POLQ: variants seen among roughly 807,000 people sequenced by gnomAD.
POLQ encodes the protein epididymis secretory sperm binding protein.
A neutral mutation model predicts 259.2 loss-of-function variants in POLQ; 233 were observed. That is an observed-to-expected ratio of 0.90 (90% CI 0.81 to 1.00). The LOEUF is 1.00. POLQ is among the 50% of genes least tolerant of loss of function. POLQ has a pLI of 0.00. For synonymous variants in POLQ, 1,025 were observed against 1,048.8 expected, an observed-to-expected ratio of 0.98 and a Z score of 0.44; for missense variants, 2,871 against 3,051.6, an observed-to-expected ratio of 0.94 and a Z score of 1.39.
At chr3:121,447,676 T>G (rs1205349361) in intron 26 of POLQ, among the ~76,000 whole-genome samples, 1 of 152,216 alleles carries the variant, frequency 6.6e-6, no homozygotes, top group Non-Finnish European at 1.5e-5. Flanking sequence ...TTATTGCTCA[T>G]TAACATCCTT....
chr3:121,544,593 C>T (rs2048515203), intron 2 of POLQ, 134 bp downstream of exon 2: 1 of 578,026 alleles, frequency 1.7e-6, no homozygotes, highest in Non-Finnish European at 3.0e-6. Context: ...CCACTTTTCA[C>T]ACATATTGTA....
chr3:121,462,921 C>G (rs1415776857), intron 24 of POLQ, among the ~76,000 whole-genome samples: 1 of 152,204 alleles, frequency 6.6e-6, no homozygotes, highest in Non-Finnish European at 1.5e-5. Context: ...TTAGTGAAGA[C>G]TACAAAATCC....
In POLQ at chr3:121,489,463, T is replaced by C; in HGVS notation, c.3468A>G (p.Glu1156=). The part of the protein sequence containing the change: ...VTCQATSVVS[E]KGRGVAVEAE... ...CCTCAACAGCTACTCCTCTGCCCTT[T>C]TCACTAACCACACTAGTGGCCTGAC... Residue 1156 remains glutamate, a synonymous_variant, in exon 16 of 30, where the codon GAA becomes GAG. Coordinates refer to ENST00000264233, the MANE Select transcript of POLQ (RefSeq NM_199420.4). 6.2e-7 allele frequency: 1 copy of C among 1,614,104 alleles called. No individual in the cohort carries two copies. The highest frequency in any genetic ancestry group is 1.7e-5 in the Admixed American group (1 of 60,012).
At chr3:121,512,563 A>G (rs2048263309) in intron 9 of POLQ, among the ~76,000 whole-genome samples, 1 of 152,206 alleles carries the variant, frequency 6.6e-6, no homozygotes, top group Non-Finnish European at 1.5e-5. Flanking sequence ...CATTGTTAAA[A>G]TGTTATATAA....
rs1168686295 is a variant in POLQ, at chr3:121,467,633, A to G, written c.6853T>C (p.Tyr2285His). Residue 2285 changes from tyrosine (Y) to histidine (H), a missense_variant, in exon 24 of 30, where the codon TAT (tyrosine) becomes CAT (histidine). Transcript: ENST00000264233. ...KGLLPMGRGK[Y>H]KKGFSVNPRC... The stretch of plus-strand genomic sequence containing the variant: ...GGATTCACGCTGAAACCCTTCTTAT[A>G]TTTTCCTCTGTGGTGCAAACAACAT... The G allele has an allele frequency of 1.2e-6, 2 of 1,613,630 alleles. No homozygotes were observed. The highest frequency in any genetic ancestry group is 3.3e-5 in the Admixed American group (2 of 59,984).
intron 25 of POLQ, among the ~76,000 whole-genome samples, chr3:121,456,593 A>T (rs1282985334): frequency 6.6e-6 from 1 of 151,902 alleles, no homozygotes; most frequent in Non-Finnish European, 1.5e-5. Context: ...CCAATAACAG[A>T]CAAACAGAGA....
chr3:121,489,303 G>C lies in POLQ; in HGVS notation c.3628C>G (p.Gln1210Glu), dbSNP rs775530226. The C allele has an allele frequency of 1.2e-6, 2 of 1,613,546 alleles. No homozygotes were observed. The highest frequency in any genetic ancestry group is 4.5e-5 in the East Asian group (2 of 44,882). The change falls in exon 16 of 30, where the codon CAG (glutamine) becomes GAG (glutamate). Residue 1210 changes from glutamine to glutamate, a missense_variant. Transcript: ENST00000264233. ...ATTTGTCTCTCTATTATATTTTTCT[G>C]TTTGGTAATAGTGCTTGTCTGTTCA... ...SHEQTSTITKQKNIIERQMPC... is the reference protein window; with the variant it reads ...SHEQTSTITKEKNIIERQMPC...
At chr3:121,517,213 A>G (rs2048303859) in intron 9 of POLQ, among the ~76,000 whole-genome samples, 1 of 152,212 alleles carries the variant, frequency 6.6e-6, no homozygotes, top group Non-Finnish European at 1.5e-5. Flanking sequence ...GGACAGAGGT[A>G]GGCAAATAGG....
rs575244189 is a variant in POLQ, at chr3:121,435,991, T to C, written c.7543+131A>G. 7.1e-5 allele frequency: 41 copies of C among 577,272 alleles called. No individual in the cohort carries two copies. The South Asian group carries it at 1.2e-3, about 17-fold the overall frequency. The allele number at this position is 577,272 out of a possible 1,614,324, so 35.8% of individuals were successfully genotyped here. A position where few individuals can be genotyped will look rare whatever the true frequency, so the allele number is the denominator to read the frequency against. On this transcript the variant is annotated intron_variant, in intron 28 of 29. Coordinates refer to ENST00000264233, the MANE Select transcript of POLQ (RefSeq NM_199420.4). Reference sequence around the variant, plus strand: ...CTTTGAAATCCTTAATAATTTCTAATAGTATAAAGACATCATGAGACCAAA... The same window carrying C: ...CTTTGAAATCCTTAATAATTTCTAACAGTATAAAGACATCATGAGACCAAA...
rs1306546659 is a variant in POLQ, at chr3:121,489,496, AT to A, written c.3434del (p.Asn1145MetfsTer2). The A allele has an allele frequency of 1.2e-6, 2 of 1,613,852 alleles. No homozygotes were observed. Among genetic ancestry groups the A allele is most frequent in the Non-Finnish European group, 1.7e-6 (2 of 1,179,970 alleles). Reference sequence around the variant, plus strand: ...CCACACTAGTGGCCTGACAAGTCACATTTTTACTCTGAGATCCTGTGACAAT... The same window carrying A: ...CCACACTAGTGGCCTGACAAGTCACATTTTACTCTGAGATCCTGTGACAAT... ...EHIVTGSQSK[N>X]VTCQATSVVS... On this transcript the variant is annotated frameshift_variant, in exon 16 of 30. Transcript: ENST00000264233. LOFTEE classifies it high-confidence loss of function.
chr3:121,479,362 A>ATGTGTGGG (rs2047953051), intron 19 of POLQ, among the ~76,000 whole-genome samples: 1 of 142,654 alleles, frequency 7.0e-6, no homozygotes, highest in African/African-American at 2.6e-5. Context: ...AAAAAAAAAA[A>ATGTGTGGG]TGTGTGTGTG....
chr3:121,483,651 G>A, intron 17 of POLQ, 69 bp from the exon 18 acceptor site: 2 of 1,188,772 alleles, frequency 1.7e-6, no homozygotes, highest in South Asian at 1.8e-5. Context: ...ATTTGAAGCA[G>A]CAATCTTTAG....
Position 121,533,024 on chromosome 3 carries a change from A to C in POLQ, c.926T>G (p.Leu309Arg). 6.2e-7 allele frequency: 1 copy of C among 1,612,690 alleles called. No homozygotes were observed. The highest frequency in any genetic ancestry group is 1.3e-5 in the African/African-American group (1 of 75,000). The change falls in exon 6 of 30, where the codon CTT (leucine) becomes CGT (arginine). Residue 309 changes from leucine (L) to arginine (R), a missense_variant. Transcript: ENST00000264233. ...TAGCATGGGCTCAAATTCCCTCACA[A>C]GTTTCATTGAAGAGTCATATATGGA... ...GNSIYDSSMK[L>R]VREFEPMLQV...
chr3:121,517,861 G>C (rs1454892583), intron 9 of POLQ, among the ~76,000 whole-genome samples: 1 of 152,174 alleles, frequency 6.6e-6, no homozygotes, highest in Non-Finnish European at 1.5e-5. Flanking sequence ...GCCTAGAATA[G>C]AATTTTACTG....
intron 27 of POLQ, among the ~76,000 whole-genome samples, chr3:121,437,552 C>T (rs181809871): frequency 2.6e-5 from 4 of 152,256 alleles, no homozygotes; most frequent in East Asian, 1.9e-4. Context: ...TAGCAAGTGT[C>T]GACAAGAATG....
intron 9 of POLQ, among the ~76,000 whole-genome samples, chr3:121,518,082 G>A: frequency 6.6e-6 from 1 of 152,140 alleles, no homozygotes; most frequent in East Asian, 1.9e-4. Context: ...GTTCCTGCAA[G>A]CCTCTAGTAA....
chr3:121,449,024 C>A (rs943458165), intron 26 of POLQ, among the ~76,000 whole-genome samples: 1 of 152,168 alleles, frequency 6.6e-6, no homozygotes, highest in African/African-American at 2.4e-5. Context: ...CAAACTACAG[C>A]TATCTAAACC....
chr3:121,485,571 A>C (rs1037955660), intron 16 of POLQ, among the ~76,000 whole-genome samples: 1 of 152,238 alleles, frequency 6.6e-6, no homozygotes, highest in African/African-American at 2.4e-5. Flanking sequence ...TTAGTGAAGA[A>C]GCATAATTTT....
At position 121,471,992 on chromosome 3, in the gene POLQ, G is replaced by A. The variant is rs754126400; in HGVS notation, c.6716C>T (p.Thr2239Ile). The stretch of plus-strand genomic sequence containing the variant: ...TTATACTTAAGATTTCTCATCACCT[G>A]TAGCAGTGTGCGACTGTGATACAGG... ...IYPVSQSHTATGRITFTEPNI... is the reference protein window; with the variant it reads ...IYPVSQSHTAIGRITFTEPNI... The change falls in exon 22 of 30, where the codon ACA becomes ATA. Residue 2239 changes from threonine (T) to isoleucine (I), a missense_variant and splice_region_variant. Coordinates refer to ENST00000264233, the MANE Select transcript of POLQ (RefSeq NM_199420.4). 5 of 1,468,546 alleles carry A rather than the reference G, an allele frequency of 3.4e-6. No homozygotes were observed. Among genetic ancestry groups the A allele is most frequent in the South Asian group, 2.9e-5 (2 of 68,776 alleles). 91.0% of individuals were successfully genotyped at this position (1,468,546 alleles called of 1,614,324 possible).
Sources: gnomAD v4.1 joint callset for allele counts (sites outside exome capture counted in the v4.1 genomes callset) on GRCh38, gnomAD v4.1.1 for gene constraint, MANE v1.5 for transcripts, NCBI Gene and HGNC (gene_info 2026-07-23, HGNC 2026-07-21) for gene names.